CTNNBL1: variants seen among roughly 807,000 people sequenced by gnomAD.
CTNNBL1 encodes the protein catenin beta like 1.
Under a neutral mutation model 72.7 loss-of-function variants are expected in CTNNBL1, and 31 were observed. The ratio of observed to expected loss-of-function variants is 0.43; its 90% CI spans 0.32 to 0.58. CTNNBL1 has a LOEUF of 0.58. Ranked by LOEUF, CTNNBL1 falls within the 20% of genes least tolerant of loss-of-function variation. The pLI, the probability that CTNNBL1 is intolerant of heterozygous loss-of-function variation, is 0.08. For missense variants in CTNNBL1, 534 were observed against 725.1 expected, an observed-to-expected ratio of 0.74 and a Z score of 3.03; for synonymous variants, 240 against 267.3, an observed-to-expected ratio of 0.90 and a Z score of 1.00.
intron 13 of CTNNBL1, among the ~76,000 whole-genome samples, chr20:37,855,922 T>A (rs2072436138): frequency 6.6e-6 from 1 of 151,908 alleles, no homozygotes; most frequent in Admixed American, 6.6e-5. Context: ...TTTTCAATAC[T>A]GTTTGGCAAA....
chr20:37,729,985 A>G (rs1397393756), intron 1 of CTNNBL1, among the ~76,000 whole-genome samples: 2 of 152,200 alleles, frequency 1.3e-5, no homozygotes, highest in East Asian at 3.9e-4. Context: ...GAGACTAGGA[A>G]GAGAGTGAAA....
intron 10 of CTNNBL1, among the ~76,000 whole-genome samples, chr20:37,780,081 G>A (rs369619381): frequency 1.3e-4 from 19 of 150,714 alleles, no homozygotes; most frequent in East Asian, 9.7e-4. Flanking sequence ...AAAAAAAATC[G>A]AGCATGTTTA....
chr20:37,723,271 A>T (rs943445192), intron 1 of CTNNBL1, among the ~76,000 whole-genome samples: 1 of 152,234 alleles, frequency 6.6e-6, no homozygotes. Flanking sequence ...TAAATCGTAC[A>T]TCACATCCAT....
At chr20:37,843,688 A>G (rs2072323822) in intron 13 of CTNNBL1, among the ~76,000 whole-genome samples, 1 of 152,194 alleles carries the variant, frequency 6.6e-6, no homozygotes, top group Non-Finnish European at 1.5e-5. Context: ...AAGGTTGTTT[A>G]ACTTAACCTG....
intron 5 of CTNNBL1, among the ~76,000 whole-genome samples, chr20:37,764,773 T>C (rs1473557116): frequency 6.6e-6 from 1 of 152,220 alleles, no homozygotes; most frequent in Non-Finnish European, 1.5e-5. Context: ...AAACATCTTT[T>C]GGTGCATTGG....
chr20:37,858,548 G>A (rs1384013387), intron 13 of CTNNBL1, among the ~76,000 whole-genome samples: 1 of 152,224 alleles, frequency 6.6e-6, no homozygotes, highest in Non-Finnish European at 1.5e-5. Flanking sequence ...GCCCTGAGCT[G>A]TCTTGGCAGA....
chr20:37,821,000 G>A (rs544076027), intron 11 of CTNNBL1, among the ~76,000 whole-genome samples: 2 of 152,042 alleles, frequency 1.3e-5, no homozygotes, highest in African/African-American at 4.8e-5. Flanking sequence ...TTCTCTTGCC[G>A]GTACCACCTT....
rs759062542 is a variant in CTNNBL1 at position 37,872,030 on chromosome 20, C to T, written c.*17C>T. 4.5e-5 allele frequency: 72 copies of T among 1,599,072 alleles called. No homozygotes were observed. The highest frequency in any genetic ancestry group is 5.8e-5 in the Non-Finnish European group (68 of 1,166,502). On this transcript the variant is annotated 3_prime_UTR_variant, in exon 16 of 16. Coordinates refer to ENST00000361383, the MANE Select transcript of CTNNBL1 (RefSeq NM_030877.5). ...AACTTCTAGAGGCACCTTGGCCCTG[C>T]GCATCATGGACTCTCTCAGCTTCCC...
chr20:37,854,998 G>A (rs2072426828), intron 13 of CTNNBL1, among the ~76,000 whole-genome samples: 2 of 151,752 alleles, frequency 1.3e-5, no homozygotes, highest in South Asian at 4.2e-4. Context: ...TCTCTGGTAG[G>A]TGGGTAATGA....
chr20:37,829,234 G>A (rs1333390252), intron 11 of CTNNBL1, among the ~76,000 whole-genome samples: 1 of 152,202 alleles, frequency 6.6e-6, no homozygotes, highest in East Asian at 1.9e-4. Flanking sequence ...GGCCTTAGAT[G>A]TTCTGTGGAA....
At chr20:37,768,728 A>G (rs2073494776) in intron 7 of CTNNBL1, among the ~76,000 whole-genome samples, 1 of 152,098 alleles carries the variant, frequency 6.6e-6, no homozygotes, top group African/African-American at 2.4e-5. Context: ...CTATTTTATT[A>G]TTGTTGTTAA....
intron 11 of CTNNBL1, among the ~76,000 whole-genome samples, chr20:37,821,464 T>A (rs2072106732): frequency 6.6e-6 from 1 of 152,178 alleles, no homozygotes; most frequent in Non-Finnish European, 1.5e-5. Context: ...ATATATTGAA[T>A]CCTTATGTAC....
chr20:37,860,421 C>G (rs1600535280), intron 15 of CTNNBL1, 77 bp downstream of exon 15: 1 of 1,196,908 alleles, frequency 8.4e-7, no homozygotes. Flanking sequence ...GTCAGTATCC[C>G]TGGTATTTGA....
chr20:37,756,439 T>TGC (rs903561973), intron 4 of CTNNBL1: 3 of 151,820 alleles, frequency 2.0e-5, no homozygotes, highest in African/African-American at 7.3e-5. Flanking sequence ...TGTGTGTGTG[T>TGC]GCACCCGTGT....
rs1568776607 is a variant in CTNNBL1 at position 37,779,211 on chromosome 20, AC to A, written c.908del (p.Thr303ArgfsTer7). ...LSVFKRHNPS[T>X]AEEQEMMENL... ...GGTGTTTAAAAGACACAATCCCAGC[AC>A]GGCTGAGGAGCAGGAGATGATGGAG... On this transcript the variant is annotated frameshift_variant, in exon 10 of 16. Transcript: ENST00000361383. LOFTEE classifies it high-confidence loss of function. 6.2e-7 allele frequency: 1 copy of A among 1,613,552 alleles called. No individual in the cohort carries two copies.
intron 4 of CTNNBL1, among the ~76,000 whole-genome samples, chr20:37,749,146 C>A (rs1032064352): frequency 6.6e-6 from 1 of 152,208 alleles, no homozygotes; most frequent in Non-Finnish European, 1.5e-5. Flanking sequence ...ATTTTCAGTC[C>A]GGTGTTCCTC....
intron 11 of CTNNBL1, among the ~76,000 whole-genome samples, chr20:37,815,378 C>A (rs1047303157): frequency 6.7e-6 from 1 of 149,724 alleles, no homozygotes; most frequent in Non-Finnish European, 1.5e-5. Context: ...AGTACGATGG[C>A]GCCATCTCAG....
intron 10 of CTNNBL1, among the ~76,000 whole-genome samples, chr20:37,788,515 C>A (rs1056555897): frequency 6.6e-6 from 1 of 152,138 alleles, no homozygotes; most frequent in Non-Finnish European, 1.5e-5. Flanking sequence ...TTTTTCAGTG[C>A]ATGGAAAGCA....
chr20:37,701,944 C>T (rs906029815), intron 1 of CTNNBL1, among the ~76,000 whole-genome samples: 1 of 151,892 alleles, frequency 6.6e-6, no homozygotes, highest in Non-Finnish European at 1.5e-5. Context: ...CTCATCTCAG[C>T]TGCAGATGTG....
Sources: gnomAD v4.1 joint callset for allele counts (sites outside exome capture counted in the v4.1 genomes callset) on GRCh38, gnomAD v4.1.1 for gene constraint, MANE v1.5 for transcripts, NCBI Gene and HGNC (gene_info 2026-07-23, HGNC 2026-07-21) for gene names.